The following GTF3C1 variants were observed in gnomAD, a reference collection of about 807,000 sequenced individuals.
The protein encoded by GTF3C1 is general transcription factor 3C polypeptide 1.
A neutral mutation model predicts 226.7 loss-of-function variants in GTF3C1; 57 were observed. The observed-to-expected ratio is 0.25, with a 90% CI of 0.20 to 0.31. The LOEUF (loss-of-function observed/expected upper bound fraction) is 0.31. Among genes scored for constraint, GTF3C1 ranks in the 10% least tolerant of loss-of-function variants. GTF3C1 has a pLI of 1.00. For missense variants in GTF3C1, 2,217 were observed against 2,776.1 expected (o/e 0.80, Z 4.53); for synonymous variants, 1,090 against 1,084.8 (o/e 1.00, Z -0.09).
At position 27,462,312 on chromosome 16, in the gene GTF3C1, G is replaced by T; in HGVS notation, c.6099C>A (p.Ala2033=). The change falls in exon 36 of 37, where the codon GCC becomes GCA. Residue 2033 remains alanine, a synonymous_variant. Coordinates refer to ENST00000356183, the MANE Select transcript of GTF3C1 (RefSeq NM_001520.4). This position sits in a 1 kb window ranked among gnomAD's most constrained non-coding sequence, Gnocchi z 4.5. ...RHYQGVLQPV[A]VLELLQGLES... is the part of the protein sequence containing the mutation. ...CCCACACCTGGAGCAACTCCAGCACGGCGACGGGCTGCAGGACCCCCTGGT... is the reference window on the plus strand; with the variant it reads ...CCCACACCTGGAGCAACTCCAGCACTGCGACGGGCTGCAGGACCCCCTGGT... The T allele has an allele frequency of 6.4e-7, 1 of 1,554,144 alleles. No homozygotes were observed. Among genetic ancestry groups the T allele is most frequent in the East Asian group, 2.4e-5 (1 of 41,162 alleles).
chr16:27,499,531 C>T (rs2088373069), intron 12 of GTF3C1, among the ~76,000 whole-genome samples: 3 of 152,200 alleles, frequency 2.0e-5, no homozygotes, highest in South Asian at 4.1e-4. Flanking sequence ...TCATGCTGAA[C>T]ATGGGCTCAG....
Position 27,464,502 on chromosome 16 carries a change from A to G in GTF3C1, c.5690T>C (p.Leu1897Pro). 6.5e-7 allele frequency: 1 copy of G among 1,527,882 alleles called. No homozygotes were observed. Among genetic ancestry groups the G allele is most frequent in the Non-Finnish European group, 8.8e-7 (1 of 1,140,404 alleles). 94.6% of individuals were successfully genotyped at this position (1,527,882 alleles called of 1,614,324 possible). The change falls in exon 34 of 37, where the codon CTT (leucine) becomes CCT (proline). Residue 1897 changes from leucine (L) to proline (P), a missense_variant. This residue lies in a region of GTF3C1 where 455 missense variants were observed against 441.9 expected (regional missense o/e 1.03). Transcript: ENST00000356183. Reference sequence around the variant, plus strand: ...TGCCCCATCTTCAGCTCCGGGCCCAAGGCTGGGGGCCAAATTTGAGTCCTG... The same window carrying G: ...TGCCCCATCTTCAGCTCCGGGCCCAGGGCTGGGGGCCAAATTTGAGTCCTG... ...ALQDSNLAPS[L>P]GPGAEDGAEA...
intron 2 of GTF3C1, among the ~76,000 whole-genome samples, chr16:27,540,904 G>A (rs58406202): frequency 0.013 from 1,995 of 152,032 alleles, 45 homozygotes; most frequent in East Asian, 0.1. Flanking sequence ...ACAGTGACGC[G>A]ATCTCAGCTC....
intron 21 of GTF3C1, 72 bp from the exon 22 acceptor site, chr16:27,488,707 G>A: frequency 7.8e-7 from 1 of 1,285,418 alleles, no homozygotes; most frequent in South Asian, 1.2e-5. Flanking sequence ...AGTAACAAAT[G>A]CACCGAGGTC....
chr16:27,537,080 A>AC (rs1236773674), intron 4 of GTF3C1, among the ~76,000 whole-genome samples: 1 of 152,202 alleles, frequency 6.6e-6, no homozygotes, highest in Non-Finnish European at 1.5e-5. Context: ...AATATCACAC[A>AC]TTGTTATCGC....
In GTF3C1 at chr16:27,489,644, T is replaced by C. The variant is rs1184841648; in HGVS notation, c.3251A>G (p.Lys1084Arg). Residue 1084 changes from lysine (K) to arginine (R), a missense_variant, in exon 20 of 37, where the codon AAG becomes AGG. Lys to Arg is a conservative substitution (Grantham distance 26). Coordinates refer to ENST00000356183, the MANE Select transcript of GTF3C1 (RefSeq NM_001520.4). ...GGCGCACTTGCGCTCCAGGTTGTGC[T>C]TGTCCATGGCGCTCTCCTGCTCCTT... ...LQKEQESAMD[K>R]HNLERKCAML... 2 of 1,611,444 alleles carry C rather than the reference T, an allele frequency of 1.2e-6. No individual in the cohort carries two copies. The highest frequency in any genetic ancestry group is 1.7e-6 in the Non-Finnish European group (2 of 1,179,490).
At chr16:27,549,601 C>T (rs988532551) in intron 1 of GTF3C1, 69 bp downstream of exon 1, 2 of 801,894 alleles carry the variant, frequency 2.5e-6, no homozygotes, top group Non-Finnish European at 4.0e-6. Context: ...CCCCGCCCTG[C>T]CCCCAGCTCC....
intron 6 of GTF3C1, among the ~76,000 whole-genome samples, chr16:27,525,403 T>C (rs2088817341): frequency 6.6e-6 from 1 of 152,232 alleles, no homozygotes; most frequent in Admixed American, 6.5e-5. Flanking sequence ...TGAGAATGTG[T>C]TAAACACTAG....
Position 27,481,043 on chromosome 16 carries a change from C to T in GTF3C1, c.4196+36G>A, listed in dbSNP as rs774507472. On this transcript the variant is annotated intron_variant, in intron 27 of 36. Transcript: ENST00000356183. ...GGGCTGGCCTTTTCTTCTTGCCCTGCGAGGGCCACATGGAACCATCCCAGA... is the reference window on the plus strand; with the variant it reads ...GGGCTGGCCTTTTCTTCTTGCCCTGTGAGGGCCACATGGAACCATCCCAGA... 1.3e-5 allele frequency: 20 copies of T among 1,544,474 alleles called. No homozygotes were observed. The East Asian group carries it at 1.3e-4, about 10-fold the overall frequency.
chr16:27,484,625 C>T (rs1002478624), intron 24 of GTF3C1, among the ~76,000 whole-genome samples: 7 of 151,770 alleles, frequency 4.6e-5, no homozygotes, highest in African/African-American at 1.7e-4. Flanking sequence ...CCCAACGGGG[C>T]GGGGGGGAAC....
Position 27,464,290 on chromosome 16 carries a change from AGGTGGGGTGG to A in GTF3C1, c.5872+20_5872+29del, listed in dbSNP as rs2087748903. 1 of 1,214,360 alleles carries A rather than the reference AGGTGGGGTGG, an allele frequency of 8.2e-7. No individual in the cohort carries two copies. Among genetic ancestry groups the A allele is most frequent in the Admixed American group, 3.1e-5 (1 of 32,592 alleles). The allele number at this position is 1,214,360 out of a possible 1,614,324, so 75.2% of individuals were successfully genotyped here. A position where few individuals can be genotyped will look rare whatever the true frequency, so the allele number is the denominator to read the frequency against. On this transcript the variant is annotated intron_variant, in intron 34 of 36. Coordinates refer to ENST00000356183, the MANE Select transcript of GTF3C1 (RefSeq NM_001520.4). ...GGGGAGGGAAAGCCAGGGTGGGGTG[AGGTGGGGTGG>A]GGGACAAGGCGCGCGGTACCTCTGG...
At chr16:27,527,201 C>T (rs1333502562) in intron 6 of GTF3C1, among the ~76,000 whole-genome samples, 2 of 152,122 alleles carry the variant, frequency 1.3e-5, no homozygotes, top group East Asian at 1.9e-4. Flanking sequence ...GAGCGAGACC[C>T]TGTCTAGGAA....
Position 27,469,740 on chromosome 16 carries a change from G to A in GTF3C1, c.4815-190C>T, listed in dbSNP as rs371158177. ...CCCCTTTCCCACCTTCCCGTGCACC[G>A]CGCTCACCCCTTGTCACATAGCTGT... On this transcript the variant is annotated intron_variant, in intron 31 of 36. Transcript: ENST00000356183. This position sits in a 1 kb window ranked among gnomAD's most constrained non-coding sequence, Gnocchi z 4.5. 1.8e-4 allele frequency among the ~76,000 whole-genome samples: 27 copies of A among 152,034 alleles called. No homozygotes were observed. The highest frequency in any genetic ancestry group is 7.4e-5 in the Non-Finnish European group (5 of 67,986).
At chr16:27,530,066 G>A (rs780546928) in intron 5 of GTF3C1, among the ~76,000 whole-genome samples, 1 of 152,156 alleles carries the variant, frequency 6.6e-6, no homozygotes, top group African/African-American at 2.4e-5. Flanking sequence ...CGAATGGCAG[G>A]AGGCACTCGT....
intron 27 of GTF3C1, among the ~76,000 whole-genome samples, chr16:27,479,782 C>G (rs2088010963): frequency 1.3e-5 from 2 of 152,184 alleles, no homozygotes; most frequent in African/African-American, 4.8e-5. Context: ...GAACCATTTT[C>G]TATTCTGCCT....
rs374776135 is a variant in GTF3C1 at position 27,470,091 on chromosome 16, G to A, written c.4814+17C>T. 8.7e-5 allele frequency: 140 copies of A among 1,605,142 alleles called. No homozygotes were observed. Among genetic ancestry groups the A allele is most frequent in the Admixed American group, 6.0e-4 (36 of 59,528 alleles). ...AGCACGTGGCCAGACCTGATGCTGC[G>A]GATGCCGGACTCTTACCTTTTGATG... On this transcript the variant is annotated intron_variant, in intron 31 of 36. Coordinates refer to ENST00000356183, the MANE Select transcript of GTF3C1 (RefSeq NM_001520.4). The surrounding 1 kb of genome is among the most constrained non-coding windows in gnomAD (Gnocchi z 4.9).
chr16:27,466,471 C>G (rs906753319), intron 32 of GTF3C1: 4 of 152,176 alleles, frequency 2.6e-5, no homozygotes, highest in Admixed American at 2.0e-4. Flanking sequence ...CAGCCATTCC[C>G]CATTTTCTTC....
intron 4 of GTF3C1, among the ~76,000 whole-genome samples, chr16:27,535,177 T>A (rs953584846): frequency 2.0e-5 from 3 of 152,198 alleles, no homozygotes; most frequent in Non-Finnish European, 2.9e-5. Context: ...CAAATCTGCA[T>A]AAAATTAACT....
intron 5 of GTF3C1, among the ~76,000 whole-genome samples, chr16:27,532,203 C>A (rs2088926812): frequency 6.6e-6 from 1 of 152,152 alleles, no homozygotes; most frequent in Non-Finnish European, 1.5e-5. Context: ...CAAGTCTGGG[C>A]CACAAGCCTC....
Sources: gnomAD v4.1 joint callset for allele counts (sites outside exome capture counted in the v4.1 genomes callset) on GRCh38, gnomAD v4.1.1 for gene constraint, gnomAD v4.1.1 regional missense constraint, Gnocchi (gnomAD v3.1) non-coding constraint, MANE v1.5 for transcripts, NCBI Gene and HGNC (gene_info 2026-07-23, HGNC 2026-07-21) for gene names.